Variants in ADGRA1 observed in about 807,000 individuals in gnomAD.
ADGRA1 encodes the protein G-protein coupled receptor 123.
Under a neutral mutation model 21.3 loss-of-function variants are expected in ADGRA1, and 12 were observed. That is an observed-to-expected ratio of 0.56 (90% CI 0.36 to 0.91). The LOEUF is 0.91. Among genes scored for constraint, ADGRA1 ranks in the 40% least tolerant of loss-of-function variants. ADGRA1 has a pLI of 0.01. For synonymous variants in ADGRA1, 385 were observed against 368.8 expected, an observed-to-expected ratio of 1.04 and a Z score of -0.50; for missense variants, 790 against 805.6, an observed-to-expected ratio of 0.98 and a Z score of 0.23.
chr10:133,110,352 G>C (rs1397148432), intron 5 of ADGRA1, among the ~76,000 whole-genome samples: 1 of 152,270 alleles, frequency 6.6e-6, no homozygotes, highest in Non-Finnish European at 1.5e-5. Context: ...ACTCTGGCGG[G>C]AAGGCAGGTG....
chr10:133,105,371 C>T (rs933004205), intron 5 of ADGRA1, among the ~76,000 whole-genome samples: 2 of 152,304 alleles, frequency 1.3e-5, no homozygotes, highest in East Asian at 3.9e-4. Flanking sequence ...CCCAGCTCTG[C>T]AAGTGTTTAA....
Position 133,128,449 on chromosome 10 carries a change from C to A in ADGRA1, c.621C>A (p.Arg207=), listed in dbSNP as rs1852426416. The A allele has an allele frequency of 1.9e-6, 3 of 1,599,330 alleles. No homozygotes were observed. In the East Asian group the frequency reaches 6.9e-5, roughly 37 times the overall value. Reference sequence around the variant, plus strand: ...TGCAGCTGCGGCGCCACCCAGGGCGCAGGTACGAGCTGCGCACACAGCCCG... The same window carrying A: ...TGCAGCTGCGGCGCCACCCAGGGCGAAGGTACGAGCTGCGCACACAGCCCG... The part of the protein sequence containing the change: ...TYVQLRRHPG[R]RYELRTQPEE... The change falls in exon 7 of 7, where the codon CGC becomes CGA. Residue 207 remains arginine (R), a synonymous_variant. Coordinates refer to ENST00000392607, the MANE Select transcript of ADGRA1 (RefSeq NM_001083909.3).
In ADGRA1 at chr10:133,097,014, A is replaced by T. The variant is rs1200926160; in HGVS notation, c.44A>T (p.Glu15Val). 4.3e-6 allele frequency: 7 copies of T among 1,613,266 alleles called. No individual in the cohort carries two copies. The East Asian group carries it at 1.6e-4, about 36-fold the overall frequency. ...TVLSLPRYPG[E>V]FLHPVVYACT... is the part of the protein sequence containing the mutation. The stretch of plus-strand genomic sequence containing the variant: ...CTCTCCCTGCCCCGCTACCCAGGGG[A>T]GTTCCTGCACCCCGTGGTGTACGCG... The change falls in exon 3 of 7, where the codon GAG becomes GTG. Residue 15 changes from glutamate (E) to valine (V), a missense_variant. Around this residue, in one of 3 missense-constraint regions of ADGRA1, gnomAD observed 382 missense variants for 415.6 expected, o/e 0.92. Transcript: ENST00000392607.
intron 5 of ADGRA1, among the ~76,000 whole-genome samples, chr10:133,114,506 C>G (rs1012294121): frequency 1.3e-5 from 2 of 152,176 alleles, no homozygotes; most frequent in Non-Finnish European, 2.9e-5. Context: ...CTGTCCTTCT[C>G]CACCTGACTC....
intron 5 of ADGRA1, among the ~76,000 whole-genome samples, chr10:133,111,124 TG>T (rs1851984341): frequency 8.4e-6 from 1 of 118,822 alleles, no homozygotes; most frequent in East Asian, 2.2e-4. Flanking sequence ...GCTGGCCACC[TG>T]CCCGCCAGGG....
chr10:133,098,907 C>G, intron 4 of ADGRA1, 144 bp downstream of exon 4: 2 of 1,167,776 alleles, frequency 1.7e-6, no homozygotes, highest in Non-Finnish European at 1.2e-6. Flanking sequence ...CTCGGCTTCA[C>G]GCCATGCAAG....
intron 5 of ADGRA1, among the ~76,000 whole-genome samples, chr10:133,105,144 G>T (rs543370595): frequency 1.3e-5 from 2 of 152,176 alleles, no homozygotes; most frequent in Admixed American, 6.5e-5. Flanking sequence ...AGAATCTTGC[G>T]GTCTGGGAGG....
At chr10:133,111,389 A>G (rs28627374) in intron 5 of ADGRA1, among the ~76,000 whole-genome samples, 496 of 2,918 alleles carry the variant, frequency 0.17, 30 homozygotes, top group Middle Eastern at 0.25. Flanking sequence ...CCCACCACGG[A>G]CACCTCCCTC....
intron 5 of ADGRA1, among the ~76,000 whole-genome samples, chr10:133,116,934 G>C (rs772611181): frequency 6.6e-6 from 1 of 152,144 alleles, no homozygotes; most frequent in Non-Finnish European, 1.5e-5. Flanking sequence ...GACAGAGGGC[G>C]GGGAGGGTAA....
intron 5 of ADGRA1, among the ~76,000 whole-genome samples, chr10:133,122,878 G>A (rs952792165): frequency 4.1e-5 from 6 of 146,154 alleles, no homozygotes; most frequent in African/African-American, 1.5e-4. Context: ...GGCTGCACTG[G>A]CTTCGAGCTG....
At chr10:133,100,879 G>A (rs1205656700) in intron 4 of ADGRA1, among the ~76,000 whole-genome samples, 1 of 152,222 alleles carries the variant, frequency 6.6e-6, no homozygotes, top group African/African-American at 2.4e-5. Flanking sequence ...GGTGGGAGGT[G>A]CCTGCCGGAC....
chr10:133,112,319 C>CGG (rs1564849952), intron 5 of ADGRA1, among the ~76,000 whole-genome samples: 3 of 150,686 alleles, frequency 2.0e-5, no homozygotes, highest in African/African-American at 7.3e-5. Flanking sequence ...CTGCGGGCCG[C>CGG]ATCGGTTATC....
intron 2 of ADGRA1, among the ~76,000 whole-genome samples, chr10:133,095,936 C>A (rs1851680970): frequency 6.6e-6 from 1 of 152,226 alleles, no homozygotes; most frequent in African/African-American, 2.4e-5. Context: ...GTGGCTGGAG[C>A]CTGGCACAGG....
At position 133,098,773 on chromosome 10, in the gene ADGRA1, G is replaced by C; in HGVS notation, c.255+10G>C. On this transcript the variant is annotated intron_variant, in intron 4 of 6. Coordinates refer to ENST00000392607, the MANE Select transcript of ADGRA1 (RefSeq NM_001083909.3). ...CATCCTGTGCCAGGCGGTGAGTGCC[G>C]GGGCGCCCTCGTTGGCTCCTCCCAG... 6.2e-7 allele frequency: 1 copy of C among 1,607,958 alleles called. No homozygotes were observed. Among genetic ancestry groups the C allele is most frequent in the Non-Finnish European group, 8.5e-7 (1 of 1,179,068 alleles).
intron 5 of ADGRA1, among the ~76,000 whole-genome samples, chr10:133,124,248 T>C (rs1406831980): frequency 6.7e-6 from 1 of 150,014 alleles, no homozygotes; most frequent in Non-Finnish European, 1.5e-5. Context: ...TCTTGGGCTC[T>C]GCACCCTCCC....
In ADGRA1 at chr10:133,089,016, G is replaced by A. The variant is rs183376830; in HGVS notation, c.3+104G>A. On this transcript the variant is annotated intron_variant, in intron 2 of 6. Coordinates refer to ENST00000392607, the MANE Select transcript of ADGRA1 (RefSeq NM_001083909.3). ...CAGGCTGGAAAAGTTGTGGAATGGC[G>A]AGCTGGTGACCGGGCTTCCGGGCTC... 3.5e-4 allele frequency: 435 copies of A among 1,234,606 alleles called. 2 individuals carry two copies. The East Asian group carries it at 0.013, about 37-fold the overall frequency. 76.5% of individuals were successfully genotyped at this position (1,234,606 alleles called of 1,614,324 possible). A position where few individuals can be genotyped will look rare whatever the true frequency, so the allele number is the denominator to read the frequency against.
chr10:133,101,248 G>A (rs543818976), intron 4 of ADGRA1, among the ~76,000 whole-genome samples: 4 of 152,272 alleles, frequency 2.6e-5, no homozygotes, highest in Non-Finnish European at 4.4e-5. Context: ...CGCCTGCCCC[G>A]CCCACCGGGG....
At chr10:133,095,594 C>A in intron 2 of ADGRA1, 1 of 1,538,604 alleles carries the variant, frequency 6.5e-7, no homozygotes, top group South Asian at 1.2e-5. Context: ...TGTTCGAACC[C>A]TGGGGCAGGG....
chr10:133,093,052 C>G, intron 2 of ADGRA1: 1 of 1,595,820 alleles, frequency 6.3e-7, no homozygotes, highest in Admixed American at 1.7e-5. Context: ...GGACACCTCA[C>G]TGTGTAGGAA....
Sources: allele counts gnomAD v4.1 joint callset (sites outside exome capture counted in the v4.1 genomes callset), GRCh38; gene constraint gnomAD v4.1.1; regional missense constraint gnomAD v4.1.1; transcripts MANE v1.5; gene names NCBI Gene and HGNC (gene_info 2026-07-23, HGNC 2026-07-21).